Variants in DPP10 observed in about 807,000 individuals in gnomAD.
DPP10 encodes the protein dipeptidyl peptidase like 10, also known as inactive dipeptidyl peptidase 10.
DPP10 carries 33 observed loss-of-function variants against 120.9 expected under a neutral mutation model. The observed-to-expected ratio is 0.27, with a 90% CI of 0.21 to 0.37. The LOEUF (loss-of-function observed/expected upper bound fraction) is 0.37. DPP10 is among the 10% of genes least tolerant of loss of function. DPP10 has a pLI of 1.00. For synonymous variants in DPP10, 337 were observed against 326.1 expected (o/e 1.03, Z -0.36); for missense variants, 816 against 942.8 (o/e 0.87, Z 1.76).
chr2:114,588,300 A>G (rs1343137749), intron 1 of DPP10, among the ~76,000 whole-genome samples: 1 of 152,226 alleles, frequency 6.6e-6, no homozygotes, highest in Non-Finnish European at 1.5e-5. Context: ...CACTAGCAAA[A>G]AAGAAGTGGT....
chr2:114,464,919 G>C (rs1006023797), intron 1 of DPP10, among the ~76,000 whole-genome samples: 4 of 152,050 alleles, frequency 2.6e-5, no homozygotes, highest in African/African-American at 9.7e-5. Flanking sequence ...ATTGAAAAGA[G>C]CTGCTATATA....
At chr2:115,329,688 T>C (rs2106158118) in intron 2 of DPP10, among the ~76,000 whole-genome samples, 1 of 152,234 alleles carries the variant, frequency 6.6e-6, no homozygotes, top group African/African-American at 2.4e-5. Context: ...CATGAGGTGT[T>C]TGGTTTTTTG....
chr2:115,741,246 T>C (rs1677229309), intron 9 of DPP10, among the ~76,000 whole-genome samples: 3 of 152,136 alleles, frequency 2.0e-5, no homozygotes, highest in Admixed American at 2.0e-4. Flanking sequence ...TTATAAAGAG[T>C]ATGATTCCAT....
At chr2:114,541,566 C>T (rs1342141638) in intron 1 of DPP10, among the ~76,000 whole-genome samples, 1 of 151,974 alleles carries the variant, frequency 6.6e-6, no homozygotes, top group African/African-American at 2.4e-5. Context: ...TGAGTAATTG[C>T]AGAAGGCTAA....
At chr2:115,453,896 G>A (rs2073320258) in intron 3 of DPP10, among the ~76,000 whole-genome samples, 1 of 151,184 alleles carries the variant, frequency 6.6e-6, no homozygotes, top group African/African-American at 2.4e-5. Context: ...TACCAAGACT[G>A]ACAATGAAAG....
At chr2:115,110,692 CTGAA>C in intron 1 of DPP10, among the ~76,000 whole-genome samples, 1 of 152,176 alleles carries the variant, frequency 6.6e-6, no homozygotes, top group South Asian at 2.1e-4. Flanking sequence ...CATTTCATCT[CTGAA>C]TAGTCTTTCT....
intron 1 of DPP10, among the ~76,000 whole-genome samples, chr2:114,811,886 A>G (rs1418774933): frequency 6.6e-6 from 1 of 152,170 alleles, no homozygotes; most frequent in African/African-American, 2.4e-5. Context: ...CCATTTGCCT[A>G]GGGCCAGGTT....
intron 1 of DPP10, among the ~76,000 whole-genome samples, chr2:114,925,079 C>T (rs527661819): frequency 6.6e-6 from 1 of 151,728 alleles, no homozygotes; most frequent in Non-Finnish European, 1.5e-5. Flanking sequence ...GGCATAGTGG[C>T]GGGTGCCTGT....
At chr2:115,327,696 A>G (rs2062448667) in intron 2 of DPP10, among the ~76,000 whole-genome samples, 1 of 152,072 alleles carries the variant, frequency 6.6e-6, no homozygotes, top group South Asian at 2.1e-4. Context: ...TTTCCATGAG[A>G]TAACCATCAT....
chr2:114,641,686 G>T (rs1344690187), intron 1 of DPP10, among the ~76,000 whole-genome samples: 1 of 151,976 alleles, frequency 6.6e-6, no homozygotes, highest in African/African-American at 2.4e-5. Flanking sequence ...CCAGATAAAA[G>T]CCCACTATTC....
chr2:115,273,448 T>C (rs2059783506), intron 1 of DPP10, among the ~76,000 whole-genome samples: 1 of 152,168 alleles, frequency 6.6e-6, no homozygotes, highest in Non-Finnish European at 1.5e-5. Context: ...ACTATTCTCC[T>C]GCCTCAGCCT....
chr2:115,070,342 TA>T (rs138254395), intron 1 of DPP10, among the ~76,000 whole-genome samples: 3,118 of 152,204 alleles, frequency 0.02, 102 homozygotes, highest in African/African-American at 0.072. Context: ...TAAATAAAAC[TA>T]AAAAGAACTA....
At chr2:115,521,006 A>C (rs903157245) in intron 4 of DPP10, among the ~76,000 whole-genome samples, 76 of 152,212 alleles carry the variant, frequency 5.0e-4, no homozygotes, top group African/African-American at 1.7e-3. Flanking sequence ...CGTGTAATTA[A>C]ATACATGTGA....
intron 2 of DPP10, among the ~76,000 whole-genome samples, chr2:115,329,663 A>C (rs1237540445): frequency 1.3e-5 from 2 of 151,804 alleles, no homozygotes; most frequent in Non-Finnish European, 2.9e-5. Flanking sequence ...TTCAATTCCC[A>C]CCTATGAGTG....
chr2:115,573,835 G>A (rs1298610121), intron 5 of DPP10, among the ~76,000 whole-genome samples: 1 of 151,360 alleles, frequency 6.6e-6, no homozygotes, highest in Non-Finnish European at 1.5e-5. Context: ...AATGACAGGT[G>A]TGAGTCATCA....
chr2:115,799,725 G>A (rs962956294), intron 19 of DPP10, among the ~76,000 whole-genome samples: 1 of 150,702 alleles, frequency 6.6e-6, no homozygotes, highest in Non-Finnish European at 1.5e-5. Flanking sequence ...GAGAATGATG[G>A]TTTCCAGCTT....
intron 1 of DPP10, among the ~76,000 whole-genome samples, chr2:114,489,578 G>C (rs765823791): frequency 3.3e-5 from 5 of 152,180 alleles, no homozygotes; most frequent in Non-Finnish European, 7.3e-5. Flanking sequence ...TTGTCCCATT[G>C]CGACAATCAG....
intron 1 of DPP10, among the ~76,000 whole-genome samples, chr2:115,281,005 C>T (rs2060135648): frequency 6.6e-6 from 1 of 152,132 alleles, no homozygotes; most frequent in South Asian, 2.1e-4. Flanking sequence ...TCCTCATAAA[C>T]AGTACTGTCT....
chr2:115,742,634 T>C (rs961527446), intron 9 of DPP10, among the ~76,000 whole-genome samples: 1 of 152,102 alleles, frequency 6.6e-6, no homozygotes, highest in East Asian at 1.9e-4. Flanking sequence ...CAGTATCATT[T>C]TGGGTATGTT....
Sources: gnomAD v4.1 joint callset for allele counts (sites outside exome capture counted in the v4.1 genomes callset) on GRCh38, gnomAD v4.1.1 for gene constraint, MANE v1.5 for transcripts, NCBI Gene and HGNC (gene_info 2026-07-23, HGNC 2026-07-21) for gene names.